The following PAX7 variants were observed in gnomAD, a reference collection of about 807,000 sequenced individuals.
The protein encoded by PAX7 is paired box protein Pax-7.
PAX7 carries 18 observed loss-of-function variants against 50.7 expected under a neutral mutation model. That is an observed-to-expected ratio of 0.36 (90% CI 0.25 to 0.53). The LOEUF (loss-of-function observed/expected upper bound fraction) is 0.53. PAX7 is among the 20% of genes least tolerant of loss of function. The pLI, the probability that PAX7 is intolerant of heterozygous loss-of-function variation, is 0.93. For synonymous variants in PAX7, 310 were observed against 290.4 expected, an observed-to-expected ratio of 1.07 and a Z score of -0.69; for missense variants, 644 against 702.9, an observed-to-expected ratio of 0.92 and a Z score of 0.95.
chr1:18,689,330 G>A (rs991368330), intron 4 of PAX7, among the ~76,000 whole-genome samples: 2 of 152,294 alleles, frequency 1.3e-5, no homozygotes, highest in Admixed American at 6.5e-5. Context: ...AGAAATGGTG[G>A]GGAAGGGGCC....
At chr1:18,740,142 C>G (rs1189191904) in intron 8 of PAX7, among the ~76,000 whole-genome samples, 2 of 152,194 alleles carry the variant, frequency 1.3e-5, no homozygotes, top group African/African-American at 4.8e-5. Context: ...GACAGAGGGA[C>G]AGGGAGGGCC....
Position 18,639,785 on chromosome 1 carries a change from C to T in PAX7, c.586+3414C>T, listed in dbSNP as rs980137438. On this transcript the variant is annotated intron_variant, in intron 4 of 8. Transcript: ENST00000420770. ...GTATAAAAAACAATAACAGCAGTGACAAACAATAAGAACACCAAAGCCGCA... is the reference window on the plus strand; with the variant it reads ...GTATAAAAAACAATAACAGCAGTGATAAACAATAAGAACACCAAAGCCGCA... 3.9e-5 allele frequency among the ~76,000 whole-genome samples: 6 copies of T among 152,050 alleles called. No individual in the cohort carries two copies. The South Asian group carries it at 1.2e-3, about 32-fold the overall frequency.
chr1:18,674,515 G>C (rs1011736006), intron 4 of PAX7, among the ~76,000 whole-genome samples: 28 of 152,210 alleles, frequency 1.8e-4, no homozygotes, highest in African/African-American at 6.8e-4. Context: ...CAGGCTTCCA[G>C]GCTGTGGTCT....
At chr1:18,732,606 G>T (rs1229669209) in intron 7 of PAX7, among the ~76,000 whole-genome samples, 13 of 152,244 alleles carry the variant, frequency 8.5e-5, no homozygotes, top group Admixed American at 7.2e-4. Context: ...AAAGTGCAGG[G>T]TAGAAAGGGG....
chr1:18,639,472 G>T (rs992411820), intron 4 of PAX7, among the ~76,000 whole-genome samples: 4 of 151,448 alleles, frequency 2.6e-5, no homozygotes, highest in South Asian at 2.1e-4. Context: ...GACCGTTGCC[G>T]ATAGGTGCTT....
chr1:18,638,036 G>A (rs769560522), intron 4 of PAX7, among the ~76,000 whole-genome samples: 3 of 152,284 alleles, frequency 2.0e-5, no homozygotes, highest in Non-Finnish European at 4.4e-5. Context: ...CTTTTTGTGG[G>A]TTGTGGAGGG....
intron 4 of PAX7, among the ~76,000 whole-genome samples, chr1:18,647,494 G>T (rs186770627): frequency 3.3e-5 from 5 of 152,028 alleles, no homozygotes; most frequent in African/African-American, 7.2e-5. Context: ...GGCGGGGTGG[G>T]GGGGGAGAGG....
intron 4 of PAX7, among the ~76,000 whole-genome samples, chr1:18,669,372 C>T (rs988499794): frequency 5.9e-5 from 9 of 152,188 alleles, no homozygotes; most frequent in Non-Finnish European, 4.4e-5. Context: ...TTAGCAAAAA[C>T]AGTGACCATA....
intron 7 of PAX7, among the ~76,000 whole-genome samples, chr1:18,730,961 A>G (rs559605991): frequency 5.1e-4 from 77 of 152,120 alleles, no homozygotes; most frequent in Middle Eastern, 6.8e-3. Flanking sequence ...AAGGGAGAGG[A>G]AGGGACGGCT....
intron 5 of PAX7, among the ~76,000 whole-genome samples, chr1:18,695,610 A>C (rs1434097906): frequency 6.6e-6 from 1 of 152,216 alleles, no homozygotes; most frequent in Non-Finnish European, 1.5e-5. Context: ...TGCCTCAGCC[A>C]GGAGAAAGCC....
chr1:18,640,776 G>C (rs1201607461), intron 4 of PAX7, among the ~76,000 whole-genome samples: 1 of 151,754 alleles, frequency 6.6e-6, no homozygotes, highest in Non-Finnish European at 1.5e-5. Flanking sequence ...GGCAGCGCTC[G>C]GCGGTGGATA....
Position 18,745,618 on chromosome 1 carries a change from G to A in PAX7, c.*689G>A. 4.3e-6 allele frequency: 1 copy of A among 231,020 alleles called. No individual in the cohort carries two copies. The highest frequency in any genetic ancestry group is 8.6e-6 in the Non-Finnish European group (1 of 116,672). 14.3% of individuals were successfully genotyped at this position (231,020 alleles called of 1,614,324 possible). A position where few individuals can be genotyped will look rare whatever the true frequency, so the allele number is the denominator to read the frequency against. The stretch of plus-strand genomic sequence containing the variant: ...AGGGAGACTGGGGAGACCAGGAAGA[G>A]GCTTAACCAGAGGGTAGGGGCACAT... On this transcript the variant is annotated 3_prime_UTR_variant, in exon 9 of 9. Transcript: ENST00000420770.
intron 4 of PAX7, among the ~76,000 whole-genome samples, chr1:18,659,984 G>A (rs746191089): frequency 3.3e-5 from 5 of 152,204 alleles, no homozygotes; most frequent in Admixed American, 6.5e-5. Flanking sequence ...CTTACCCTTC[G>A]GCATCTGCCC....
chr1:18,681,936 C>T (rs953924071), intron 4 of PAX7, among the ~76,000 whole-genome samples: 1 of 151,954 alleles, frequency 6.6e-6, no homozygotes, highest in African/African-American at 2.4e-5. Context: ...ACGGGTTTCA[C>T]CATGTTGGTC....
chr1:18,707,415 C>CTTTTTTTTTTTTTTTTT (rs60914648), intron 7 of PAX7, among the ~76,000 whole-genome samples: 10 of 28,052 alleles, frequency 3.6e-4, no homozygotes, highest in Non-Finnish European at 5.2e-4. Flanking sequence ...TTTTTTCTTT[C>CTTTTTTTTTTTTTTTTT]TTTTTTTTTT....
intron 4 of PAX7, among the ~76,000 whole-genome samples, chr1:18,637,264 CT>C (rs939322989): frequency 1.3e-5 from 2 of 152,220 alleles, no homozygotes; most frequent in South Asian, 2.1e-4. Flanking sequence ...TCATTACCCC[CT>C]CCCCTTCCTC....
In PAX7 at chr1:18,640,987, C is replaced by T. The variant is rs570225530; in HGVS notation, c.586+4616C>T. On this transcript the variant is annotated intron_variant, in intron 4 of 8. Transcript: ENST00000420770. The stretch of plus-strand genomic sequence containing the variant: ...GCTCCCCTTTTCTTCCCTCCATCCC[C>T]CCAACCGAAGAAGAGAGAGGGGGAG... Among the ~76,000 whole-genome samples the T allele has an allele frequency of 1.7e-3, 255 of 152,310 alleles. 1 individual carries two copies. The highest frequency in any genetic ancestry group is 5.8e-3 in the African/African-American group (241 of 41,578).
At chr1:18,694,402 T>G (rs991997002) in intron 5 of PAX7, among the ~76,000 whole-genome samples, 1 of 151,402 alleles carries the variant, frequency 6.6e-6, no homozygotes. Flanking sequence ...GAGGTTGCAG[T>G]GAGCCGAGAT....
chr1:18,739,916 A>T (rs570815774), intron 8 of PAX7, among the ~76,000 whole-genome samples: 5 of 152,280 alleles, frequency 3.3e-5, no homozygotes, highest in Non-Finnish European at 7.3e-5. Context: ...TAGAACGCTG[A>T]AGTGTGAAAA....
Sources: allele counts gnomAD v4.1 joint callset (sites outside exome capture counted in the v4.1 genomes callset), GRCh38; gene constraint gnomAD v4.1.1; transcripts MANE v1.5; gene names NCBI Gene and HGNC (gene_info 2026-07-23, HGNC 2026-07-21).